CCDC196: variants seen among roughly 807,000 people sequenced by gnomAD.
CCDC196 encodes coiled-coil domain-containing protein 196.
intron 8 of CCDC196, among the ~76,000 whole-genome samples, chr14:66,497,312 C>A (rs1295445101): frequency 1.3e-5 from 2 of 152,116 alleles, no homozygotes; most frequent in African/African-American, 2.4e-5. Context: ...GAATAAAATT[C>A]TTTTCTTCCT....
At chr14:66,486,939 G>A (rs2057415619) in intron 2 of CCDC196, 130 bp downstream of exon 2, 1 of 401,096 alleles carries the variant, frequency 2.5e-6, no homozygotes, top group East Asian at 3.6e-5. Context: ...AGCTGTAGCA[G>A]GCAAACAATT....
chr14:66,495,026 A>G (rs1257427278), intron 8 of CCDC196, among the ~76,000 whole-genome samples: 1 of 140,138 alleles, frequency 7.1e-6, no homozygotes, highest in Non-Finnish European at 1.6e-5. Context: ...ACTTCGTATC[A>G]AAAAAAAAAA....
chr14:66,496,595 AG>A (rs1467090079), intron 8 of CCDC196: 1 of 334,276 alleles, frequency 3.0e-6, no homozygotes, highest in Non-Finnish European at 5.9e-6. Flanking sequence ...GGTGTATTGT[AG>A]GCCCTCCCTA....
intron 8 of CCDC196, among the ~76,000 whole-genome samples, chr14:66,493,092 C>T (rs536390991): frequency 3.6e-4 from 54 of 152,060 alleles, no homozygotes; most frequent in African/African-American, 1.3e-3. Flanking sequence ...AAAAAGGACA[C>T]GAGATGGGAA....
At chr14:66,497,991 AT>A in intron 8 of CCDC196, 117 bp from the exon 9 acceptor site, 1 of 400,968 alleles carries the variant, frequency 2.5e-6, no homozygotes, top group Non-Finnish European at 4.6e-6. Flanking sequence ...AAAAAAAAAA[AT>A]CAGAAAATTC....
rs574818364 is a variant in CCDC196 at position 66,486,445 on chromosome 14, G to C, written c.-58G>C. The C allele has an allele frequency of 2.2e-5, 9 of 402,266 alleles. No homozygotes were observed. The South Asian group carries it at 1.1e-3, about 48-fold the overall frequency. 24.9% of individuals were successfully genotyped at this position (402,266 alleles called of 1,614,324 possible). On this transcript the variant is annotated 5_prime_UTR_variant, in exon 1 of 10. Transcript: ENST00000636229. ...ACAAAAATAATGACTTAACTGGATAGAAAAAAAGGCACATATTTTCAGGAA... is the reference window on the plus strand; with the variant it reads ...ACAAAAATAATGACTTAACTGGATACAAAAAAAGGCACATATTTTCAGGAA...
intron 2 of CCDC196, 73 bp downstream of exon 2, chr14:66,486,882 T>C: frequency 2.4e-6 from 1 of 410,638 alleles, no homozygotes. Context: ...CTGGCAATAA[T>C]TACTTACAAT....
At chr14:66,489,785 A>C (rs1393419029) in intron 4 of CCDC196, among the ~76,000 whole-genome samples, 1 of 152,206 alleles carries the variant, frequency 6.6e-6, no homozygotes, top group African/African-American at 2.4e-5. Context: ...ATAATTTTAC[A>C]GCAATCACCA....
chr14:66,491,595 T>C, intron 6 of CCDC196, 31 bp from the exon 7 acceptor site: 1 of 413,802 alleles, frequency 2.4e-6, no homozygotes, highest in Non-Finnish European at 4.4e-6. Context: ...CTCAATTTAC[T>C]TTGTCACCCA....
chr14:66,492,539 A>C (rs2057567037), intron 8 of CCDC196, among the ~76,000 whole-genome samples: 1 of 151,860 alleles, frequency 6.6e-6, no homozygotes. Flanking sequence ...ACGGGGTTTC[A>C]CCATGTTGGC....
intron 2 of CCDC196, 22 bp from the exon 3 acceptor site, chr14:66,488,138 A>G (rs1350165491): frequency 2.4e-6 from 1 of 412,770 alleles, no homozygotes; most frequent in African/African-American, 2.1e-5. Context: ...TGTATGTTTT[A>G]TGATGCCTCT....
In CCDC196 at chr14:66,488,216, T is replaced by G. The variant is rs1055755929; in HGVS notation, c.260T>G (p.Met87Arg). 4 of 413,198 alleles carry G rather than the reference T, an allele frequency of 9.7e-6. No homozygotes were observed. Among genetic ancestry groups the G allele is most frequent in the Non-Finnish European group, 1.8e-5 (4 of 225,920 alleles). The allele number at this position is 413,198 out of a possible 1,614,324, so 25.6% of individuals were successfully genotyped here. Residue 87 changes from methionine to arginine, a missense_variant, in exon 3 of 10, where the codon ATG (methionine) becomes AGG (arginine). By Grantham distance (91) the Met-to-Arg change is moderately conservative. Transcript: ENST00000636229. Reference sequence around the variant, plus strand: ...AAGGGGTGTGAGGAATCCTCGGTCATGGAGCTCCTTAAGGAAGCAGAGGAG... The same window carrying G: ...AAGGGGTGTGAGGAATCCTCGGTCAGGGAGCTCCTTAAGGAAGCAGAGGAG... ...AGKGCEESSV[M>R]ELLKEAEEMK...
intron 4 of CCDC196, among the ~76,000 whole-genome samples, chr14:66,490,514 ACTGG>A (rs112955674): frequency 4.9e-4 from 74 of 152,308 alleles, no homozygotes; most frequent in African/African-American, 1.5e-3. Context: ...TAGAGTAGTG[ACTGG>A]CTAAGGGTCC....
intron 4 of CCDC196, 33 bp from the exon 5 acceptor site, chr14:66,490,694 TCTTTAATTTCCACTA>T: frequency 2.5e-6 from 1 of 398,912 alleles, no homozygotes; most frequent in South Asian, 1.3e-4. Context: ...TCCACTTCCC[TCTTTAATTTCCACTA>T]CTTTAAAGCT....
Position 66,497,229 on chromosome 14 carries a change from A to G in CCDC196, c.716-880A>G, listed in dbSNP as rs539700730. Among the ~76,000 whole-genome samples the G allele has an allele frequency of 1.1e-3, 167 of 152,302 alleles. 8 individuals carry two copies. In the South Asian group the frequency reaches 0.034, roughly 31 times the overall value. Reference sequence around the variant, plus strand: ...TGTCAAAGTTAGGTTTATGGTATTAATAGGTTATAAAGTTAATTTCTAAAC... The same window carrying G: ...TGTCAAAGTTAGGTTTATGGTATTAGTAGGTTATAAAGTTAATTTCTAAAC... On this transcript the variant is annotated intron_variant, in intron 8 of 9. Coordinates refer to ENST00000636229, the MANE Select transcript of CCDC196 (RefSeq NM_001351576.1).
intron 4 of CCDC196, among the ~76,000 whole-genome samples, chr14:66,489,588 GTAT>G (rs1461266853): frequency 1.3e-5 from 2 of 151,868 alleles, no homozygotes; most frequent in African/African-American, 4.8e-5. Context: ...TATTATTATT[GTAT>G]TATTATTACT....
intron 9 of CCDC196, 72 bp downstream of exon 9, chr14:66,498,239 T>C: frequency 2.4e-6 from 1 of 412,806 alleles, no homozygotes; most frequent in Non-Finnish European, 4.4e-6. Flanking sequence ...TATAGATTTT[T>C]GGAATGCATT....
chr14:66,495,484 C>T (rs1010849454), intron 8 of CCDC196, among the ~76,000 whole-genome samples: 5 of 152,148 alleles, frequency 3.3e-5, no homozygotes, highest in Admixed American at 2.6e-4. Flanking sequence ...ATCCTTATTC[C>T]CTAGACTATG....
intron 8 of CCDC196, among the ~76,000 whole-genome samples, chr14:66,497,485 T>A (rs1329498517): frequency 6.7e-6 from 1 of 148,888 alleles, no homozygotes; most frequent in East Asian, 1.9e-4. Flanking sequence ...GGATACCCTA[T>A]TAAATTTGAA....
Sources: allele counts gnomAD v4.1 joint callset (sites outside exome capture counted in the v4.1 genomes callset), GRCh38; gene constraint gnomAD v4.1.1; transcripts MANE v1.5; gene names NCBI Gene and HGNC (gene_info 2026-07-23, HGNC 2026-07-21).